SLC15A3: variants seen among roughly 807,000 people sequenced by gnomAD.
SLC15A3 encodes the protein solute carrier family 15 member 3.
SLC15A3 carries 39 observed loss-of-function variants against 49.2 expected under a neutral mutation model. The observed-to-expected ratio is 0.79, with a 90% CI of 0.61 to 1.04. SLC15A3 has a LOEUF of 1.04. Ranked by LOEUF, SLC15A3 falls within the 50% of genes least tolerant of loss-of-function variation. The probability of loss-of-function intolerance (pLI) is 0.00; values close to 1 mark genes in which losing one functional copy is unlikely to be tolerated. For missense variants in SLC15A3, 758 were observed against 794.8 expected, an observed-to-expected ratio of 0.95 and a Z score of 0.56; for synonymous variants, 339 against 367.0, an observed-to-expected ratio of 0.92 and a Z score of 0.87.
At position 60,939,586 on chromosome 11, in the gene SLC15A3, G is replaced by C. The variant is rs1590635950; in HGVS notation, c.1329C>G (p.Ser443=). 6.2e-7 allele frequency: 1 copy of C among 1,614,180 alleles called. No homozygotes were observed. The highest frequency in any genetic ancestry group is 1.3e-5 in the African/African-American group (1 of 75,046). The change falls in exon 6 of 8, where the codon TCC becomes TCG. Residue 443 remains serine (S), a synonymous_variant. Transcript: ENST00000227880. ...TGTACAGGACCTCCCCAATCTGCTGGGACACGGTCTCGTTGTGGTGGATGT... is the reference window on the plus strand; with the variant it reads ...TGTACAGGACCTCCCCAATCTGCTGCGACACGGTCTCGTTGTGGTGGATGT... ...LHYIHHNETV[S]QQIGEVLYNA... is the part of the protein sequence containing the mutation.
chr11:60,939,338 G>A, intron 6 of SLC15A3, 142 bp downstream of exon 6: 1 of 973,108 alleles, frequency 1.0e-6, no homozygotes, highest in Non-Finnish European at 1.5e-6. Flanking sequence ...CCCCCGTTGG[G>A]TGAATGAGCC....
Position 60,949,564 on chromosome 11 carries a change from G to GAAAAGAAAAGA in SLC15A3, c.558+1429_558+1430insTCTTTTCTTTT, listed in dbSNP as rs33944083. ...AGAAAGAAAGAAAGAAAGAAAGAAA[G>GAAAAGAAAAGA]AAAGAAAAGAGATGGCCAGGGCTGG... On this transcript the variant is annotated intron_variant, in intron 1 of 7. Transcript: ENST00000227880. 1.1e-3 allele frequency among the ~76,000 whole-genome samples: 133 copies of GAAAAGAAAAGA among 118,002 alleles called. 3 individuals are homozygous for GAAAAGAAAAGA. The highest frequency in any genetic ancestry group is 2.6e-3 in the East Asian group (10 of 3,782). The allele number at this position is 118,002 out of a possible 152,430, so 77.4% of individuals were successfully genotyped here.
chr11:60,941,704 C>T (rs1289388444), intron 4 of SLC15A3: 3 of 343,162 alleles, frequency 8.7e-6, no homozygotes, highest in Non-Finnish European at 1.6e-5. Flanking sequence ...ATCTAGGTAT[C>T]TAAGGGTCCC....
rs76173045 is a variant in SLC15A3 at position 60,949,693 on chromosome 11, T to C, written c.558+1301A>G. On this transcript the variant is annotated intron_variant, in intron 1 of 7. Transcript: ENST00000227880. ...CTAGGTGCTGAATTGTGGGTGCCAA[T>C]TGGATGAAACGATCCTTTTGAAAAA... Among the ~76,000 whole-genome samples the C allele has an allele frequency of 5.3e-4, 80 of 152,372 alleles. 2 individuals carry two copies. The East Asian group carries it at 0.012, about 23-fold the overall frequency.
At chr11:60,945,130 C>T (rs559940481) in intron 2 of SLC15A3, among the ~76,000 whole-genome samples, 1 of 152,304 alleles carries the variant, frequency 6.6e-6, no homozygotes, top group East Asian at 1.9e-4. Flanking sequence ...CTTAAGAAGA[C>T]CCATAACTTC....
At position 60,939,288 on chromosome 11, in the gene SLC15A3, G is replaced by A. The variant is rs562239054; in HGVS notation, c.1435+192C>T. Among the ~76,000 whole-genome samples the A allele has an allele frequency of 1.2e-4, 18 of 152,322 alleles. No individual in the cohort carries two copies. The South Asian group carries it at 2.5e-3, about 21-fold the overall frequency. ...GCTCGCCTCCAAATCCCCAGTGCCT[G>A]TCACATAGGGGCTGACTTGAACCAG... On this transcript the variant is annotated intron_variant, in intron 6 of 7. Transcript: ENST00000227880.
intron 7 of SLC15A3, 138 bp downstream of exon 7, chr11:60,937,732 G>C: frequency 8.3e-7 from 1 of 1,202,986 alleles, no homozygotes; most frequent in Non-Finnish European, 1.1e-6. Flanking sequence ...GACTGGCCAA[G>C]CCCGGGCTAG....
At chr11:60,941,656 C>A (rs537924337) in intron 4 of SLC15A3, 70 of 315,820 alleles carry the variant, frequency 2.2e-4, no homozygotes, top group African/African-American at 1.4e-3. Context: ...GTCTGAAATG[C>A]CAAGGAACTG....
intron 1 of SLC15A3, among the ~76,000 whole-genome samples, chr11:60,947,122 G>GC (rs11405044): frequency 0.88 from 134,186 of 151,962 alleles, 59,589 homozygotes; most frequent in South Asian, 0.96. Context: ...TGTCTCAGAT[G>GC]GACTTGTTCA....
At position 60,939,497 on chromosome 11, in the gene SLC15A3, A is replaced by G. The variant is rs148648672; in HGVS notation, c.1418T>C (p.Ile473Thr). ...PQYLLIGISE[I>T]FASIPGLEFA... Reference sequence around the variant, plus strand: ...CAGGGTACCTGGGATGCTGGCAAAGATCTCACTGATCCCAATGAGCAGGTA... The same window carrying G: ...CAGGGTACCTGGGATGCTGGCAAAGGTCTCACTGATCCCAATGAGCAGGTA... Residue 473 changes from isoleucine (I) to threonine (T), a missense_variant, in exon 6 of 8, where the codon ATC (isoleucine) becomes ACC (threonine). This residue lies in a region of SLC15A3 where 699 missense variants were observed against 706.7 expected (regional missense o/e 0.99). Coordinates refer to ENST00000227880, the MANE Select transcript of SLC15A3 (RefSeq NM_016582.3). The G allele has an allele frequency of 2.5e-6, 4 of 1,614,004 alleles. No homozygotes were observed. In the African/African-American group the frequency reaches 5.3e-5, roughly 22 times the overall value.
In SLC15A3 at chr11:60,946,825, C is replaced by T. The variant is rs746293686; in HGVS notation, c.559-4G>A. The T allele has an allele frequency of 6.2e-7, 1 of 1,605,348 alleles. No individual in the cohort carries two copies. The highest frequency in any genetic ancestry group is 8.5e-7 in the Non-Finnish European group (1 of 1,177,302). On this transcript the variant is annotated splice_region_variant and splice_polypyrimidine_tract_variant and intron_variant, in intron 1 of 7. Transcript: ENST00000227880. Reference sequence around the variant, plus strand: ...CGTCGCGGCCGAGATCCATCACCTGCCATTCAGGAAGGGGTGACAGTGAGG... The same window carrying T: ...CGTCGCGGCCGAGATCCATCACCTGTCATTCAGGAAGGGGTGACAGTGAGG...
intron 6 of SLC15A3, chr11:60,938,242 G>C: frequency 1.8e-6 from 1 of 557,274 alleles, no homozygotes; most frequent in Non-Finnish European, 3.1e-6. Flanking sequence ...CCTGCACCGG[G>C]GTACTCCATG....
Position 60,951,741 on chromosome 11 carries a change from G to T in SLC15A3, c.-190C>A. The T allele has an allele frequency of 4.0e-6, 1 of 248,524 alleles. No homozygotes were observed. The highest frequency in any genetic ancestry group is 6.5e-6 in the Non-Finnish European group (1 of 152,998). The allele number at this position is 248,524 out of a possible 1,614,324, so 15.4% of individuals were successfully genotyped here. On this transcript the variant is annotated 5_prime_UTR_variant, in exon 1 of 8. Transcript: ENST00000227880. ...CTTGCCCTACCCTTCCTGTCCCTCC[G>T]CTCACTACCCGGACTCTACCACCTC...
chr11:60,940,049 G>C (rs7936662), intron 5 of SLC15A3: 2,564 of 181,842 alleles, frequency 0.014, 65 homozygotes, highest in African/African-American at 0.057. Flanking sequence ...GGTATGTCTG[G>C]TTTCAAAGCT....
chr11:60,946,411 A>G (rs1209729663), intron 2 of SLC15A3, 121 bp downstream of exon 2: 5 of 1,156,754 alleles, frequency 4.3e-6, no homozygotes, highest in Admixed American at 2.9e-5. Context: ...AGAGCAGATC[A>G]TCATAAAAAG....
intron 1 of SLC15A3, among the ~76,000 whole-genome samples, chr11:60,949,346 A>C (rs1397661067): frequency 6.8e-6 from 1 of 147,372 alleles, no homozygotes; most frequent in East Asian, 1.9e-4. Context: ...AAAGAAAGGA[A>C]GAAAGAAAGG....
At chr11:60,950,914 G>C (rs1489673180) in intron 1 of SLC15A3, 80 bp downstream of exon 1, 1 of 1,328,466 alleles carries the variant, frequency 7.5e-7, no homozygotes, top group East Asian at 3.1e-5. Context: ...GACCTGGTTT[G>C]TCCCAGGTCA....
intron 2 of SLC15A3, among the ~76,000 whole-genome samples, chr11:60,944,261 G>T (rs1856769372): frequency 6.6e-6 from 1 of 152,020 alleles, no homozygotes; most frequent in African/African-American, 2.4e-5. Context: ...CCTCCTCCCA[G>T]TATCAGCACG....
At chr11:60,943,663 C>A in intron 3 of SLC15A3, 26 bp downstream of exon 3, 1 of 1,489,492 alleles carries the variant, frequency 6.7e-7, no homozygotes, top group Non-Finnish European at 9.0e-7. Context: ...GCCAGGCCCC[C>A]AGAGAAAAAG....
Sources: gnomAD v4.1 joint callset for allele counts (sites outside exome capture counted in the v4.1 genomes callset) on GRCh38, gnomAD v4.1.1 for gene constraint, gnomAD v4.1.1 regional missense constraint, MANE v1.5 for transcripts, NCBI Gene and HGNC (gene_info 2026-07-23, HGNC 2026-07-21) for gene names.